Variants in CFAP206 observed in about 807,000 individuals in gnomAD.
CFAP206 encodes the protein cilia- and flagella-associated protein 206.
In CFAP206, 53 loss-of-function variants were observed where a neutral mutation model predicts 65.4. The ratio of observed to expected loss-of-function variants is 0.81; its 90% CI spans 0.65 to 1.02. The LOEUF is 1.02. CFAP206 is among the 50% of genes least tolerant of loss of function. The pLI is 0.00. For missense variants in CFAP206, 663 were observed against 753.2 expected (o/e 0.88, Z 1.40); for synonymous variants, 250 against 254.4 (o/e 0.98, Z 0.17).
chr6:87,426,464 A>G, intron 7 of CFAP206, 62 bp from the exon 8 acceptor site: 1 of 1,302,166 alleles, frequency 7.7e-7, no homozygotes, highest in Non-Finnish European at 1.0e-6. Flanking sequence ...ATGGTCTGAA[A>G]CACATATGAT....
chr6:87,435,082 A>T, intron 11 of CFAP206, 29 bp downstream of exon 11: 3 of 1,462,752 alleles, frequency 2.1e-6, no homozygotes, highest in Non-Finnish European at 2.8e-6. Flanking sequence ...TTATGAATTT[A>T]TGACATTTAA....
chr6:87,427,525 A>T (rs1768064564), intron 8 of CFAP206, among the ~76,000 whole-genome samples: 1 of 152,230 alleles, frequency 6.6e-6, no homozygotes, highest in South Asian at 2.1e-4. Context: ...CAAGAAACAA[A>T]AGGCTAAATT....
intron 1 of CFAP206, among the ~76,000 whole-genome samples, chr6:87,409,504 C>T (rs1582129604): frequency 2.0e-5 from 3 of 148,352 alleles, no homozygotes; most frequent in Non-Finnish European, 3.0e-5. Context: ...TGAGCCATCG[C>T]GCCCAGCCTG....
intron 2 of CFAP206, 52 bp downstream of exon 2, chr6:87,409,999 TGTG>T (rs1479928932): frequency 8.9e-6 from 11 of 1,242,234 alleles, no homozygotes; most frequent in Admixed American, 1.9e-5. Context: ...TTTTTTAAGA[TGTG>T]GTGTCCATTT....
chr6:87,438,065 C>A (rs1163056532), intron 11 of CFAP206, among the ~76,000 whole-genome samples: 2 of 151,960 alleles, frequency 1.3e-5, no homozygotes, highest in Non-Finnish European at 2.9e-5. Flanking sequence ...CCAGGCACTG[C>A]AATGGGAATA....
chr6:87,455,318 T>A (rs1768620389), intron 11 of CFAP206, among the ~76,000 whole-genome samples: 1 of 152,044 alleles, frequency 6.6e-6, no homozygotes, highest in Non-Finnish European at 1.5e-5. Context: ...AATTAAAAAA[T>A]TTCTTGAAAC....
intron 7 of CFAP206, 22 bp downstream of exon 7, chr6:87,418,438 T>C (rs373241595): frequency 3.8e-6 from 6 of 1,595,302 alleles, no homozygotes; most frequent in Non-Finnish European, 5.2e-6. Flanking sequence ...TCATAAGACC[T>C]GACCTTTTCT....
chr6:87,426,056 A>T (rs1196074345), intron 7 of CFAP206: 1 of 153,040 alleles, frequency 6.5e-6, no homozygotes, highest in Non-Finnish European at 1.5e-5. Context: ...CATGGCATAC[A>T]TCACAGGTGA....
At chr6:87,424,998 A>G (rs1420655268) in intron 7 of CFAP206, among the ~76,000 whole-genome samples, 1 of 152,244 alleles carries the variant, frequency 6.6e-6, no homozygotes, top group Non-Finnish European at 1.5e-5. Flanking sequence ...ATATGTTAAT[A>G]GAATACTATC....
chr6:87,419,443 A>G (rs1443202385), intron 7 of CFAP206, among the ~76,000 whole-genome samples: 1 of 152,156 alleles, frequency 6.6e-6, no homozygotes, highest in Admixed American at 6.5e-5. Context: ...TATCTACATA[A>G]AGGGACTGGA....
Position 87,424,696 on chromosome 6 carries a change from C to T in CFAP206, c.841-1830C>T, listed in dbSNP as rs551297227. 5.4e-4 allele frequency among the ~76,000 whole-genome samples: 82 copies of T among 152,230 alleles called. 1 individual carries two copies. Among genetic ancestry groups the T allele is most frequent in the African/African-American group, 1.7e-3 (70 of 41,548 alleles). Reference sequence around the variant, plus strand: ...TTAAGATTTTCTGCATTCTTCAATGCGACTTTTTTCTGTTTAATTTTTCAT... The same window carrying T: ...TTAAGATTTTCTGCATTCTTCAATGTGACTTTTTTCTGTTTAATTTTTCAT... On this transcript the variant is annotated intron_variant, in intron 7 of 12. Transcript: ENST00000369562.
Position 87,418,397 on chromosome 6 carries a change from T to C in CFAP206, c.821T>C (p.Val274Ala). 29 of 1,522,542 alleles carry C rather than the reference T, an allele frequency of 1.9e-5. No individual in the cohort carries two copies. Among genetic ancestry groups the C allele is most frequent in the Non-Finnish European group, 2.5e-5 (27 of 1,096,294 alleles). The allele number at this position is 1,522,542 out of a possible 1,614,324, so 94.3% of individuals were successfully genotyped here. Residue 274 changes from valine (V) to alanine (A), a missense_variant, in exon 7 of 13, where the codon GTC becomes GCC. By Grantham distance (64) the Val-to-Ala change is moderately conservative. Coordinates refer to ENST00000369562, the MANE Select transcript of CFAP206 (RefSeq NM_001031743.3). Reference sequence around the variant, plus strand: ...CTATATAATATACGACAATATGAGGTCTTCCTTCAGATCATTTTGGTGAGT... The same window carrying C: ...CTATATAATATACGACAATATGAGGCCTTCCTTCAGATCATTTTGGTGAGT... ...EALYNIRQYE[V>A]FLQIILSDII...
intron 11 of CFAP206, among the ~76,000 whole-genome samples, chr6:87,457,942 GAATA>G (rs1417138178): frequency 2.0e-5 from 3 of 152,090 alleles, no homozygotes; most frequent in African/African-American, 7.2e-5. Flanking sequence ...CTAATAGCCA[GAATA>G]TATAAGGAGC....
At chr6:87,452,413 G>A (rs991401019) in intron 11 of CFAP206, among the ~76,000 whole-genome samples, 19 of 152,226 alleles carry the variant, frequency 1.2e-4, no homozygotes, top group African/African-American at 3.1e-4. Flanking sequence ...ACTTGTCAGC[G>A]CCCAGACATT....
rs1366862552 is a variant in CFAP206 at position 87,464,122 on chromosome 6, C to T, written c.1741C>T (p.Gln581Ter). The T allele has an allele frequency of 1.2e-6, 2 of 1,614,146 alleles. No individual in the cohort carries two copies. Among genetic ancestry groups the T allele is most frequent in the Non-Finnish European group, 1.7e-6 (2 of 1,180,012 alleles). The change falls in exon 13 of 13, where the codon CAG becomes TAG. Residue 581 changes from glutamine to a stop codon, truncating the protein, a stop_gained. Transcript: ENST00000369562. LOFTEE classifies it high-confidence loss of function. Reference protein sequence around the residue: ...QVYPPKDTSTQSMREDSTGVP... With the variant: ...QVYPPKDTST ...GTACCCTCCAAAGGACACTAGCACCCAGTCCATGAGGGAAGACAGCACTGG... is the reference window on the plus strand; with the variant it reads ...GTACCCTCCAAAGGACACTAGCACCTAGTCCATGAGGGAAGACAGCACTGG...
chr6:87,458,504 T>A (rs1768688713), intron 11 of CFAP206, among the ~76,000 whole-genome samples: 2 of 138,428 alleles, frequency 1.4e-5, no homozygotes, highest in Admixed American at 7.9e-5. Context: ...GGAGATCCTG[T>A]CATTTGCAAA....
rs183705212 is a variant in CFAP206 at position 87,446,171 on chromosome 6, T to C, written c.1494+11118T>C. ...GTAGGCTCTCTGTTCACTCTGATGA[T>C]AGTTTATTTTGCTGCGCAGAAGCTC... On this transcript the variant is annotated intron_variant, in intron 11 of 12. Transcript: ENST00000369562. Among the ~76,000 whole-genome samples, 63 of 152,334 alleles carry C rather than the reference T, an allele frequency of 4.1e-4. 1 individual carries two copies. Among genetic ancestry groups the C allele is most frequent in the African/African-American group, 1.4e-3 (58 of 41,590 alleles).
At chr6:87,463,630 A>C (rs1768778411) in intron 12 of CFAP206, among the ~76,000 whole-genome samples, 1 of 152,232 alleles carries the variant, frequency 6.6e-6, no homozygotes, top group Non-Finnish European at 1.5e-5. Flanking sequence ...GTCCATTTTT[A>C]AAAGATAATA....
chr6:87,409,350 A>G (rs911059031), intron 1 of CFAP206, among the ~76,000 whole-genome samples: 3 of 151,680 alleles, frequency 2.0e-5, no homozygotes, highest in South Asian at 4.1e-4. Context: ...AGTAGCTGGG[A>G]TTACAGGCGT....
Sources: allele counts gnomAD v4.1 joint callset (sites outside exome capture counted in the v4.1 genomes callset), GRCh38; gene constraint gnomAD v4.1.1; transcripts MANE v1.5; gene names NCBI Gene and HGNC (gene_info 2026-07-23, HGNC 2026-07-21).